Variants in FRMD5 observed in about 807,000 individuals in gnomAD.
The protein encoded by FRMD5 is FERM domain-containing protein 5.
In FRMD5, 20 loss-of-function variants were observed where a neutral mutation model predicts 69.0. That is an observed-to-expected ratio of 0.29 (90% CI 0.20 to 0.42). The LOEUF is 0.42. Among genes scored for constraint, FRMD5 ranks in the 10% least tolerant of loss-of-function variants. The pLI is 1.00. For missense variants in FRMD5, 595 were observed against 708.6 expected (o/e 0.84, Z 1.82); for synonymous variants, 271 against 260.1 (o/e 1.04, Z -0.40).
rs189332991 is a variant in FRMD5 at position 44,148,590 on chromosome 15, T to A, written c.102+46363A>T. On this transcript the variant is annotated intron_variant, in intron 1 of 13. Coordinates refer to ENST00000417257, the MANE Select transcript of FRMD5 (RefSeq NM_032892.5). ...CCAACCTACATTTTTTTTTAACAAA[T>A]TGAAGGTCTGTGGCAATCCTGTGTC... Among the ~76,000 whole-genome samples, 109 of 152,082 alleles carry A rather than the reference T, an allele frequency of 7.2e-4. 1 individual carries two copies. Among genetic ancestry groups the A allele is most frequent in the Non-Finnish European group, 9.6e-4 (65 of 67,992 alleles).
At chr15:43,881,349 G>A (rs544509470) in intron 13 of FRMD5, among the ~76,000 whole-genome samples, 1 of 152,332 alleles carries the variant, frequency 6.6e-6, no homozygotes, top group South Asian at 2.1e-4. Context: ...GAGGGACGGA[G>A]AGAGCCAAGG....
intron 1 of FRMD5, among the ~76,000 whole-genome samples, chr15:44,143,969 G>A (rs996979343): frequency 1.4e-5 from 2 of 147,708 alleles, no homozygotes; most frequent in African/African-American, 2.5e-5. Flanking sequence ...ATCTTTCCCT[G>A]AAGCTCTATT....
chr15:43,884,694 C>A, intron 12 of FRMD5, 33 bp downstream of exon 12: 1 of 1,598,076 alleles, frequency 6.3e-7, no homozygotes, highest in Non-Finnish European at 8.6e-7. Flanking sequence ...ATCTGAGCTA[C>A]AACTGTTTGG....
chr15:43,977,156 G>A (rs975357547), intron 1 of FRMD5, among the ~76,000 whole-genome samples: 1 of 152,086 alleles, frequency 6.6e-6, no homozygotes, highest in Non-Finnish European at 1.5e-5. Context: ...TTCTATAGGG[G>A]AGGGGTTGGG....
intron 1 of FRMD5, among the ~76,000 whole-genome samples, chr15:43,926,115 G>A (rs2089580804): frequency 6.6e-6 from 1 of 152,176 alleles, no homozygotes; most frequent in Non-Finnish European, 1.5e-5. Flanking sequence ...GAATAGAAGG[G>A]AAAAGGTTTG....
intron 1 of FRMD5, among the ~76,000 whole-genome samples, chr15:44,112,252 T>C (rs1199835227): frequency 2.0e-5 from 3 of 152,344 alleles, no homozygotes; most frequent in African/African-American, 7.2e-5. Flanking sequence ...ACAGGAATTA[T>C]AGTGAACTTA....
Position 44,179,404 on chromosome 15 carries a change from A to G in FRMD5, c.102+15549T>C, listed in dbSNP as rs760205987. On this transcript the variant is annotated intron_variant, in intron 1 of 13. Transcript: ENST00000417257. ...AGAAACCAGTATTCACTATTCCATT[A>G]TAATTGACAAACTAAGATTCTGGAT... 9.2e-5 allele frequency among the ~76,000 whole-genome samples: 14 copies of G among 152,266 alleles called. No homozygotes were observed. The South Asian group carries it at 2.3e-3, about 25-fold the overall frequency.
chr15:43,913,031 C>CT (rs2089318049), intron 4 of FRMD5, among the ~76,000 whole-genome samples: 1 of 136,358 alleles, frequency 7.3e-6, no homozygotes, highest in Non-Finnish European at 1.5e-5. Flanking sequence ...AAAACTCCAT[C>CT]TCAAAAAAAA....
chr15:44,098,734 C>T (rs1287255707), intron 1 of FRMD5, among the ~76,000 whole-genome samples: 2 of 152,132 alleles, frequency 1.3e-5, no homozygotes, highest in African/African-American at 2.4e-5. Context: ...GAAGACTCTA[C>T]GTTTTACTGC....
At chr15:43,959,891 G>A (rs1028303464) in intron 1 of FRMD5, among the ~76,000 whole-genome samples, 3 of 152,008 alleles carry the variant, frequency 2.0e-5, no homozygotes, top group Admixed American at 6.6e-5. Context: ...GCATCCACAC[G>A]CTAAATTTTC....
chr15:43,964,861 C>T (rs900766653), intron 1 of FRMD5, among the ~76,000 whole-genome samples: 2 of 152,162 alleles, frequency 1.3e-5, no homozygotes, highest in Non-Finnish European at 2.9e-5. Flanking sequence ...AACACAATGA[C>T]TTATAGCCCA....
intron 1 of FRMD5, among the ~76,000 whole-genome samples, chr15:43,995,482 T>C (rs1889877477): frequency 6.6e-6 from 1 of 151,782 alleles, no homozygotes; most frequent in African/African-American, 2.4e-5. Context: ...GCCTGGAGCA[T>C]GGGTCACCAG....
At chr15:43,994,675 A>C (rs28830267) in intron 1 of FRMD5, among the ~76,000 whole-genome samples, 3,805 of 152,236 alleles carry the variant, frequency 0.025, 82 homozygotes, top group East Asian at 0.075. Flanking sequence ...CAAGTGATCT[A>C]CCAACCTCAG....
At chr15:44,107,291 T>C (rs2076733999) in intron 1 of FRMD5, among the ~76,000 whole-genome samples, 1 of 152,186 alleles carries the variant, frequency 6.6e-6, no homozygotes, top group Non-Finnish European at 1.5e-5. Flanking sequence ...TAAAGTAGTA[T>C]AAACATCACC....
chr15:44,020,049 T>C (rs1292539852), intron 1 of FRMD5, among the ~76,000 whole-genome samples: 1 of 152,120 alleles, frequency 6.6e-6, no homozygotes, highest in Non-Finnish European at 1.5e-5. Flanking sequence ...ATTATCTATA[T>C]ACGAATCCTT....
At chr15:44,129,189 A>G (rs1025780126) in intron 1 of FRMD5, among the ~76,000 whole-genome samples, 1 of 151,808 alleles carries the variant, frequency 6.6e-6, no homozygotes, top group Non-Finnish European at 1.5e-5. Flanking sequence ...TCTAAAATGA[A>G]AAAAAAAATC....
At chr15:43,915,245 C>T (rs753286349) in intron 4 of FRMD5, among the ~76,000 whole-genome samples, 9 of 152,162 alleles carry the variant, frequency 5.9e-5, no homozygotes, top group Non-Finnish European at 1.3e-4. Context: ...ATTTATGTAT[C>T]GTCTATGGCT....
intron 2 of FRMD5, among the ~76,000 whole-genome samples, chr15:43,920,935 T>C (rs2089483092): frequency 6.6e-6 from 1 of 152,248 alleles, no homozygotes; most frequent in African/African-American, 2.4e-5. Context: ...CCTTCTGGGC[T>C]GGGCCATGGG....
intron 1 of FRMD5, chr15:44,194,171 T>C (rs2078243041): frequency 6.6e-6 from 1 of 152,206 alleles, no homozygotes; most frequent in African/African-American, 2.4e-5. Flanking sequence ...GAGCAAGAGG[T>C]TGTAAAAATC....
Sources: allele counts gnomAD v4.1 joint callset (sites outside exome capture counted in the v4.1 genomes callset), GRCh38; gene constraint gnomAD v4.1.1; transcripts MANE v1.5; gene names NCBI Gene and HGNC (gene_info 2026-07-23, HGNC 2026-07-21).